The following TACC1 variants were observed in gnomAD, a reference collection of about 807,000 sequenced individuals.
The protein encoded by TACC1 is transforming acidic coiled-coil-containing protein 1.
A neutral mutation model predicts 84.4 loss-of-function variants in TACC1; 48 were observed. The observed-to-expected ratio is 0.57, with a 90% CI of 0.45 to 0.72. The LOEUF (loss-of-function observed/expected upper bound fraction) is 0.72, where lower values mean the gene tolerates loss of function less well. Ranked by LOEUF, TACC1 falls within the 30% of genes least tolerant of loss-of-function variation. The pLI, the probability that TACC1 is intolerant of heterozygous loss-of-function variation, is 0.00. For missense variants in TACC1, 920 were observed against 973.0 expected (o/e 0.95, Z 0.72); for synonymous variants, 372 against 376.3 (o/e 0.99, Z 0.13).
chr8:38,763,453 G>A (rs1208480221), intron 3 of TACC1, among the ~76,000 whole-genome samples: 1 of 152,036 alleles, frequency 6.6e-6, no homozygotes, highest in Non-Finnish European at 1.5e-5. Context: ...CACCATGCCC[G>A]GCCTCATTTT....
chr8:38,816,868 C>T (rs1483493066), intron 2 of TACC1, among the ~76,000 whole-genome samples: 1 of 152,100 alleles, frequency 6.6e-6, no homozygotes, highest in Non-Finnish European at 1.5e-5. Flanking sequence ...AGCTCATTTT[C>T]CACCCTTTCT....
chr8:38,765,972 G>T (rs957871322), intron 3 of TACC1, among the ~76,000 whole-genome samples: 1 of 152,088 alleles, frequency 6.6e-6, no homozygotes, highest in Non-Finnish European at 1.5e-5. Flanking sequence ...ACCTTCAAAT[G>T]CTCTCGGTCA....
At chr8:38,800,666 A>T (rs7835642) in intron 2 of TACC1, among the ~76,000 whole-genome samples, 1,854 of 152,258 alleles carry the variant, frequency 0.012, 37 homozygotes, top group African/African-American at 0.043. Flanking sequence ...TTATTGGTTG[A>T]CGGACATTTG....
At chr8:38,833,597 C>T (rs1451724526) in intron 6 of TACC1, among the ~76,000 whole-genome samples, 1 of 152,158 alleles carries the variant, frequency 6.6e-6, no homozygotes, top group Non-Finnish European at 1.5e-5. Context: ...TCTCCTACCG[C>T]CTGCTCAGGA....
At chr8:38,750,043 A>T (rs1158900344) in intron 3 of TACC1, among the ~76,000 whole-genome samples, 1 of 152,166 alleles carries the variant, frequency 6.6e-6, no homozygotes, top group Non-Finnish European at 1.5e-5. Context: ...AGGGGGTAAA[A>T]GGTCTTTTAG....
chr8:38,830,400 A>G (rs1437163507), intron 5 of TACC1, among the ~76,000 whole-genome samples: 1 of 152,128 alleles, frequency 6.6e-6, no homozygotes, highest in Non-Finnish European at 1.5e-5. Context: ...TCAGCCTCCC[A>G]AGTAGCTGAG....
intron 3 of TACC1, among the ~76,000 whole-genome samples, chr8:38,758,934 A>G (rs749227259): frequency 1.3e-5 from 2 of 152,174 alleles, no homozygotes; most frequent in Non-Finnish European, 2.9e-5. Context: ...AGTTGGAACT[A>G]TCCTAGGAAA....
chr8:38,789,116 T>C (rs750306325), intron 2 of TACC1, among the ~76,000 whole-genome samples: 4 of 152,232 alleles, frequency 2.6e-5, no homozygotes, highest in Non-Finnish European at 5.9e-5. Context: ...ATCATGTTTA[T>C]ATTTGACTTC....
At chr8:38,771,280 G>A (rs1365266628) in intron 3 of TACC1, among the ~76,000 whole-genome samples, 1 of 152,108 alleles carries the variant, frequency 6.6e-6, no homozygotes, top group African/African-American at 2.4e-5. Flanking sequence ...TGCCCCTAGA[G>A]TTTCAGGGAA....
At chr8:38,843,524 C>T (rs562047425) in intron 11 of TACC1, 129 bp downstream of exon 11, 1 of 566,864 alleles carries the variant, frequency 1.8e-6, no homozygotes, top group Admixed American at 4.0e-5. Context: ...CTTTTTAAAC[C>T]CTTTTCCCAT....
At position 38,827,985 on chromosome 8, in the gene TACC1, C is replaced by T. The variant is rs79900107; in HGVS notation, c.1660+610C>T. The stretch of plus-strand genomic sequence containing the variant: ...GGCACCAAGCTATTCATGAGGGATC[C>T]GCTCCTATGACCCAGCCACCTCCCA... On this transcript the variant is annotated intron_variant, in intron 5 of 12. Coordinates refer to ENST00000317827, the MANE Select transcript of TACC1 (RefSeq NM_006283.3). 1,086 of 154,340 alleles carry T rather than the reference C, an allele frequency of 7.0e-3. 6 individuals carry two copies. The highest frequency in any genetic ancestry group is 0.012 in the Non-Finnish European group (817 of 69,274). 9.6% of individuals were successfully genotyped at this position (154,340 alleles called of 1,614,324 possible).
chr8:38,745,582 CG>C (rs1807928570), intron 3 of TACC1: 1 of 632,138 alleles, frequency 1.6e-6, no homozygotes, highest in East Asian at 2.8e-5. Context: ...CTTGCTCTGT[CG>C]CCCAGGCTGG....
chr8:38,837,576 C>T (rs1830476714), intron 7 of TACC1, among the ~76,000 whole-genome samples: 1 of 152,190 alleles, frequency 6.6e-6, no homozygotes, highest in Non-Finnish European at 1.5e-5. Context: ...CAAGCACGCA[C>T]CACTGTCCCT....
At chr8:38,732,185 AG>A (rs33974022) in intron 1 of TACC1, among the ~76,000 whole-genome samples, 19,268 of 124,502 alleles carry the variant, frequency 0.15, 1,422 homozygotes, top group African/African-American at 0.23. Context: ...AGGAAGGAAG[AG>A]GGAAAGGAAA....
At chr8:38,767,642 T>A (rs187810775) in intron 3 of TACC1, among the ~76,000 whole-genome samples, 1 of 152,254 alleles carries the variant, frequency 6.6e-6, no homozygotes, top group Non-Finnish European at 1.5e-5. Flanking sequence ...CCAGCCACCA[T>A]CCACTAAGTT....
chr8:38,745,669 G>C (rs372146449), intron 3 of TACC1, among the ~76,000 whole-genome samples: 1 of 151,750 alleles, frequency 6.6e-6, no homozygotes, highest in African/African-American at 2.4e-5. Flanking sequence ...TCAGCCTTCC[G>C]AGTAGCTGGG....
chr8:38,744,807 T>C (rs1807765058), intron 2 of TACC1: 1 of 151,956 alleles, frequency 6.6e-6, no homozygotes, highest in Admixed American at 6.6e-5. Context: ...GGGCGGGTAA[T>C]AAAACTGAAT....
At chr8:38,786,045 G>A (rs1446918443), upstream of TACC1, 1 of 152,128 alleles carries the variant, frequency 6.6e-6, no homozygotes, top group East Asian at 1.9e-4. Flanking sequence ...TGCTTTCAGA[G>A]GCAACGGTTA....
chr8:38,821,182 G>A (rs1339784224), intron 3 of TACC1, among the ~76,000 whole-genome samples: 1 of 151,586 alleles, frequency 6.6e-6, no homozygotes, highest in African/African-American at 2.4e-5. Context: ...TCCAGCCTGG[G>A]TGACAGCAAG....
Sources: gnomAD v4.1 joint callset for allele counts (sites outside exome capture counted in the v4.1 genomes callset) on GRCh38, gnomAD v4.1.1 for gene constraint, MANE v1.5 for transcripts, NCBI Gene and HGNC (gene_info 2026-07-23, HGNC 2026-07-21) for gene names.